ST3GAL2: variants seen among roughly 807,000 people sequenced by gnomAD.
ST3GAL2 encodes the protein CMP-N-acetylneuraminate-beta-galactosamide-alpha-2,3-sialyltransferase 2.
Under a neutral mutation model 37.5 loss-of-function variants are expected in ST3GAL2, and 16 were observed. The observed-to-expected ratio is 0.43, with a 90% confidence interval of 0.29 to 0.65. The LOEUF (loss-of-function observed/expected upper bound fraction) is 0.65, where lower values mean the gene tolerates loss of function less well. Ranked by LOEUF, ST3GAL2 falls within the 30% of genes least tolerant of loss-of-function variation. The probability of loss-of-function intolerance (pLI) is 0.17; values close to 1 mark genes in which losing one functional copy is unlikely to be tolerated. For missense variants in ST3GAL2, 383 were observed against 487.8 expected (o/e 0.79, Z 2.02); for synonymous variants, 238 against 202.9 (o/e 1.17, Z -1.47).
chr16:70,435,027 C>T (rs958895927), intron 1 of ST3GAL2, among the ~76,000 whole-genome samples: 2 of 152,178 alleles, frequency 1.3e-5, no homozygotes, highest in Non-Finnish European at 1.5e-5. Context: ...TTGGCAGGCA[C>T]CCCAACCCAC....
At chr16:70,383,317 G>C in intron 4 of ST3GAL2, 82 bp from the exon 5 acceptor site, 1 of 1,371,984 alleles carries the variant, frequency 7.3e-7, no homozygotes, top group Non-Finnish European at 9.8e-7. Flanking sequence ...TTGGGAGGCT[G>C]AGGCAGGTGG....
chr16:70,415,917 A>G (rs1367813241), intron 1 of ST3GAL2, among the ~76,000 whole-genome samples: 1 of 149,862 alleles, frequency 6.7e-6, no homozygotes, highest in Non-Finnish European at 1.5e-5. Context: ...CTGGGACTAC[A>G]GGCACGCGCC....
At chr16:70,391,681 C>T (rs2047483114) in intron 3 of ST3GAL2, among the ~76,000 whole-genome samples, 1 of 152,170 alleles carries the variant, frequency 6.6e-6, no homozygotes, top group African/African-American at 2.4e-5. Flanking sequence ...CAGGGTATGG[C>T]AGGGGTAGGC....
At chr16:70,392,428 C>T (rs1227598976) in intron 3 of ST3GAL2, among the ~76,000 whole-genome samples, 1 of 152,214 alleles carries the variant, frequency 6.6e-6, no homozygotes, top group African/African-American at 2.4e-5. Flanking sequence ...AAGAAGTATT[C>T]AGGGACAGGG....
intron 1 of ST3GAL2, among the ~76,000 whole-genome samples, chr16:70,429,206 T>C (rs893766505): frequency 2.0e-5 from 3 of 152,316 alleles, no homozygotes; most frequent in Admixed American, 1.3e-4. Context: ...CACAGACATC[T>C]GGCCCTTATG....
At chr16:70,437,677 G>A (rs2047835113) in intron 1 of ST3GAL2, among the ~76,000 whole-genome samples, 1 of 152,160 alleles carries the variant, frequency 6.6e-6, no homozygotes, top group South Asian at 2.1e-4. Flanking sequence ...AGGGCAGCCA[G>A]CAGGCATCCC....
intron 1 of ST3GAL2, among the ~76,000 whole-genome samples, chr16:70,409,526 C>T (rs953158947): frequency 2.0e-5 from 3 of 151,852 alleles, no homozygotes; most frequent in Non-Finnish European, 2.9e-5. Flanking sequence ...TATTTTTAGT[C>T]GAGATGGGGT....
chr16:70,405,540 TAAAAAAAAAAAAAAAAAA>T (rs58998342), intron 1 of ST3GAL2, among the ~76,000 whole-genome samples: 1 of 101,486 alleles, frequency 9.9e-6, no homozygotes, highest in African/African-American at 3.9e-5. Flanking sequence ...GACTCCGTCT[TAAAAAAAAAAAAAAAAAA>T]AAAAAAAAGG....
At chr16:70,405,789 G>A (rs1039071918) in intron 1 of ST3GAL2, among the ~76,000 whole-genome samples, 5 of 151,832 alleles carry the variant, frequency 3.3e-5, no homozygotes, top group Admixed American at 6.6e-5. Flanking sequence ...AGCCAGGCGC[G>A]GTGGCTCACG....
At chr16:70,384,924 G>A (rs558616913) in intron 4 of ST3GAL2, among the ~76,000 whole-genome samples, 5 of 151,924 alleles carry the variant, frequency 3.3e-5, no homozygotes, top group Non-Finnish European at 4.4e-5. Flanking sequence ...CACGAGAATC[G>A]CTTGAACCCA....
chr16:70,409,134 A>G (rs2151668920), intron 1 of ST3GAL2, among the ~76,000 whole-genome samples: 1 of 152,116 alleles, frequency 6.6e-6, no homozygotes, highest in African/African-American at 2.4e-5. Context: ...GGCATGAAGT[A>G]ACGTCTAGAA....
chr16:70,416,423 C>G (rs1043477566), intron 1 of ST3GAL2, among the ~76,000 whole-genome samples: 2 of 152,178 alleles, frequency 1.3e-5, no homozygotes, highest in South Asian at 4.1e-4. Flanking sequence ...GTATGTGTCT[C>G]TCACTTAAAA....
chr16:70,377,798 G>C lies in ST3GAL2; in HGVS notation c.*3891C>G, dbSNP rs2047360948. 6.6e-6 allele frequency: 1 copy of C among 152,100 alleles called. No individual in the cohort carries two copies. Among genetic ancestry groups the C allele is most frequent in the South Asian group, 2.1e-4 (1 of 4,832 alleles). 9.4% of individuals were successfully genotyped at this position (152,100 alleles called of 1,614,324 possible). A position where few individuals can be genotyped will look rare whatever the true frequency, so the allele number is the denominator to read the frequency against. On this transcript the variant is annotated 3_prime_UTR_variant, in exon 7 of 7. Transcript: ENST00000342907. Reference sequence around the variant, plus strand: ...AGATCATGCCACTGCACTCCAGCCTGGTCAACAGAGCAAAACTCCATCTCA... The same window carrying C: ...AGATCATGCCACTGCACTCCAGCCTCGTCAACAGAGCAAAACTCCATCTCA...
At chr16:70,384,119 T>A (rs941476047) in intron 4 of ST3GAL2, among the ~76,000 whole-genome samples, 1 of 152,072 alleles carries the variant, frequency 6.6e-6, no homozygotes, top group Admixed American at 6.6e-5. Flanking sequence ...CTCCCAAACA[T>A]GAGATAATGA....
intron 4 of ST3GAL2, among the ~76,000 whole-genome samples, chr16:70,384,293 C>A (rs1025480315): frequency 5.9e-5 from 9 of 152,052 alleles, no homozygotes; most frequent in South Asian, 2.1e-4. Context: ...TTAAAAAAAA[C>A]ACAGGAAATT....
rs536149376 is a variant in ST3GAL2 at position 70,420,692 on chromosome 16, C to A, written c.-1004+18257G>T. ...TGAGCCAGGCTGTTTTTATTCTTTG[C>A]ACGCCCTATCTTTAGCTTTCTTTTG... On this transcript the variant is annotated intron_variant, in intron 1 of 6. Coordinates refer to ENST00000342907, the MANE Select transcript of ST3GAL2 (RefSeq NM_006927.4). Among the ~76,000 whole-genome samples the A allele has an allele frequency of 2.0e-5, 3 of 152,350 alleles. No individual in the cohort carries two copies. The East Asian group carries it at 5.8e-4, about 29-fold the overall frequency.
chr16:70,395,036 T>C lies in ST3GAL2; in HGVS notation c.479A>G (p.Asn160Ser), dbSNP rs1420360394. ...CTGCCCATAGCCAGAGCCCCGCAGG[T>C]TGCCCGAGTTCCCCACCACGGCACA... ...RRCAVVGNSG[N>S]LRGSGYGQDV... The change falls in exon 3 of 7, where the codon AAC (asparagine) becomes AGC (serine). Residue 160 changes from asparagine (N) to serine (S), a missense_variant. Coordinates refer to ENST00000342907, the MANE Select transcript of ST3GAL2 (RefSeq NM_006927.4). 1.9e-6 allele frequency: 3 copies of C among 1,613,766 alleles called. No individual in the cohort carries two copies. The African/African-American group carries it at 4.0e-5, about 22-fold the overall frequency.
intron 1 of ST3GAL2, among the ~76,000 whole-genome samples, chr16:70,422,395 G>T (rs1000674465): frequency 2.6e-5 from 4 of 152,190 alleles, no homozygotes; most frequent in Admixed American, 2.0e-4. Flanking sequence ...ACATGGGACT[G>T]GGGGACCAGT....
At chr16:70,392,539 A>G (rs2047488833) in intron 3 of ST3GAL2, among the ~76,000 whole-genome samples, 1 of 152,164 alleles carries the variant, frequency 6.6e-6, no homozygotes, top group African/African-American at 2.4e-5. Context: ...TCTAGCGGGC[A>G]CTGTTCTTGG....
Sources: allele counts gnomAD v4.1 joint callset (sites outside exome capture counted in the v4.1 genomes callset), GRCh38; gene constraint gnomAD v4.1.1; transcripts MANE v1.5; gene names NCBI Gene and HGNC (gene_info 2026-07-23, HGNC 2026-07-21).